Variants in LRRC32 observed in about 807,000 individuals in gnomAD.
LRRC32 encodes transforming growth factor beta activator LRRC32.
LRRC32 carries 5 observed loss-of-function variants against 15.0 expected under a neutral mutation model. The observed-to-expected ratio is 0.33, with a 90% CI of 0.17 to 0.70. The LOEUF (loss-of-function observed/expected upper bound fraction) is 0.70. LRRC32 is among the 30% of genes least tolerant of loss of function. The pLI is 0.66. For synonymous variants in LRRC32, 391 were observed against 403.9 expected, an observed-to-expected ratio of 0.97 and a Z score of 0.38; for missense variants, 803 against 854.2, an observed-to-expected ratio of 0.94 and a Z score of 0.75.
At chr11:76,669,551 T>C (rs1324055544) in intron 1 of LRRC32, among the ~76,000 whole-genome samples, 3 of 152,042 alleles carry the variant, frequency 2.0e-5, no homozygotes, top group African/African-American at 7.3e-5. Context: ...TTACTGTAAT[T>C]CCCATTTTAC....
chr11:76,661,451 G>A lies in LRRC32; in HGVS notation c.142C>T (p.Pro48Ser). The change falls in exon 3 of 3, where the codon CCG (proline) becomes TCG (serine). Residue 48 changes from proline to serine, a missense_variant. By Grantham distance (74) the Pro-to-Ser change is moderately conservative. Coordinates refer to ENST00000260061, the MANE Select transcript of LRRC32 (RefSeq NM_001128922.2). ...AGATCAAGGGTCTCAGTGTCTGGCG[G>A]GAGCACCGAGGGGACCTGGAGCAGG... ...LGLLQVPSVLPPDTETLDLSG... is the reference protein window; with the variant it reads ...LGLLQVPSVLSPDTETLDLSG... 6.2e-7 allele frequency: 1 copy of A among 1,613,612 alleles called. No individual in the cohort carries two copies. The highest frequency in any genetic ancestry group is 8.5e-7 in the Non-Finnish European group (1 of 1,179,794).
Position 76,660,711 on chromosome 11 carries a change from G to C in LRRC32, c.882C>G (p.Ser294=). The C allele has an allele frequency of 6.2e-7, 1 of 1,614,094 alleles. No individual in the cohort carries two copies. Among genetic ancestry groups the C allele is most frequent in the Non-Finnish European group, 8.5e-7 (1 of 1,179,984 alleles). ...PQDSKGIHAP[S]EGWSALPLSA... The stretch of plus-strand genomic sequence containing the variant: ...AGAGGGGCAGGGCTGACCAGCCCTC[G>C]GAAGGTGCGTGGATGCCCTTGCTGT... Residue 294 remains serine, a synonymous_variant, in exon 3 of 3, where the codon TCC becomes TCG. Coordinates refer to ENST00000260061, the MANE Select transcript of LRRC32 (RefSeq NM_001128922.2).
intron 1 of LRRC32, among the ~76,000 whole-genome samples, chr11:76,667,665 G>GCCAC (rs1447109155): frequency 6.6e-6 from 1 of 152,236 alleles, no homozygotes; most frequent in Non-Finnish European, 1.5e-5. Flanking sequence ...AAAGCAGAAC[G>GCCAC]CCACCGCCCG....
chr11:76,662,184 T>G (rs1212422674), intron 2 of LRRC32, among the ~76,000 whole-genome samples: 1 of 152,098 alleles, frequency 6.6e-6, no homozygotes, highest in African/African-American at 2.4e-5. Flanking sequence ...GGAGGTGGCT[T>G]TCTTCCCAGG....
intron 2 of LRRC32, chr11:76,663,144 G>C (rs1162442913): frequency 6.6e-6 from 1 of 152,280 alleles, no homozygotes. Context: ...GACTGGTTTG[G>C]TGGATGTGCA....
At position 76,657,625 on chromosome 11, in the gene LRRC32, C is replaced by T. The variant is rs551727258; in HGVS notation, c.*1979G>A. On this transcript the variant is annotated 3_prime_UTR_variant, in exon 3 of 3. Coordinates refer to ENST00000260061, the MANE Select transcript of LRRC32 (RefSeq NM_001128922.2). ...TGGGCCCTGGGAAGTGACAGCAGCC[C>T]TGTGTAGTGTTTTCAAAGATCAGGC... 1.3e-5 allele frequency: 2 copies of T among 153,014 alleles called. No individual in the cohort carries two copies. The highest frequency in any genetic ancestry group is 3.8e-4 in the East Asian group (2 of 5,320). The allele number at this position is 153,014 out of a possible 1,614,324, so 9.5% of individuals were successfully genotyped here. A position where few individuals can be genotyped will look rare whatever the true frequency, so the allele number is the denominator to read the frequency against.
intron 1 of LRRC32, among the ~76,000 whole-genome samples, chr11:76,668,045 C>T (rs1952653146): frequency 6.6e-6 from 1 of 152,200 alleles, no homozygotes; most frequent in South Asian, 2.1e-4. Context: ...GGGCCCCACC[C>T]CCTCCCATGG....
chr11:76,667,148 C>T (rs1297598509), intron 1 of LRRC32, among the ~76,000 whole-genome samples: 1 of 152,244 alleles, frequency 6.6e-6, no homozygotes, highest in Non-Finnish European at 1.5e-5. Context: ...TGCAGTAGGC[C>T]CTCTCCTCAG....
Position 76,660,773 on chromosome 11 carries a change from T to C in LRRC32, c.820A>G (p.Asn274Asp), listed in dbSNP as rs1555093288. 1 of 1,613,938 alleles carries C rather than the reference T, an allele frequency of 6.2e-7. No individual in the cohort carries two copies. Among genetic ancestry groups the C allele is most frequent in the Non-Finnish European group, 8.5e-7 (1 of 1,179,974 alleles). The change falls in exon 3 of 3, where the codon AAC (asparagine) becomes GAC (aspartate). Residue 274 changes from asparagine (N) to aspartate (D), a missense_variant. By Grantham distance (23) the Asn-to-Asp change is conservative (BLOSUM62 1). Transcript: ENST00000260061. Reference protein sequence around the residue: ...LPRLIYLNLSNNLIRLPTGPP... With the variant: ...LPRLIYLNLSDNLIRLPTGPP... ...CCTGTGGGGAGCCGGATGAGGTTGT[T>C]GGACAAGTTCAGGTAGATGAGTCTC... is the stretch of plus-strand genomic sequence containing the variant.
Position 76,657,670 on chromosome 11 carries a change from C to T in LRRC32, c.*1934G>A, listed in dbSNP as rs1027496860. The T allele has an allele frequency of 3.9e-5, 6 of 152,806 alleles. No homozygotes were observed. Among genetic ancestry groups the T allele is most frequent in the Admixed American group, 3.3e-4 (5 of 15,292 alleles). 9.5% of individuals were successfully genotyped at this position (152,806 alleles called of 1,614,324 possible). On this transcript the variant is annotated 3_prime_UTR_variant, in exon 3 of 3. Transcript: ENST00000260061. ...TCAGGCGTGGGGACCCACACCTTGG[C>T]CTCCAGGCCTAAGGAGGAGTGTTAC...
In LRRC32 at chr11:76,659,619, T is replaced by C; in HGVS notation, c.1974A>G (p.Gln658=). The part of the protein sequence containing the change: ...CCCVRRQKFN[Q]QYKA ...CCCGGCTTCTTTAGGCTTTATACTG[T>C]TGGTTAAACTTCTGCCGGCGGACGC... The change falls in exon 3 of 3, where the codon CAA becomes CAG. Residue 658 remains glutamine, a synonymous_variant. Coordinates refer to ENST00000260061, the MANE Select transcript of LRRC32 (RefSeq NM_001128922.2). 1 of 1,614,078 alleles carries C rather than the reference T, an allele frequency of 6.2e-7. No homozygotes were observed. Among genetic ancestry groups the C allele is most frequent in the Non-Finnish European group, 8.5e-7 (1 of 1,180,008 alleles).
chr11:76,660,842 G>T lies in LRRC32; in HGVS notation c.751C>A (p.Arg251=), dbSNP rs150621370. 1.2e-6 allele frequency: 2 copies of T among 1,614,178 alleles called. No homozygotes were observed. Among genetic ancestry groups the T allele is most frequent in the South Asian group, 1.1e-5 (1 of 91,082 alleles). The change falls in exon 3 of 3, where the codon CGG becomes AGG. Residue 251 remains arginine (R), a synonymous_variant. Transcript: ENST00000260061. ...AEFQLTWLDL[R]ENKLLHFPDL... The stretch of plus-strand genomic sequence containing the variant: ...GGGAAATGGAGCAGTTTGTTCTCCC[G>T]CAGGTCAAGCCAGGTGAGCTGGAAC...
At position 76,660,562 on chromosome 11, in the gene LRRC32, A is replaced by G; in HGVS notation, c.1031T>C (p.Leu344Pro). The G allele has an allele frequency of 6.2e-7, 1 of 1,614,208 alleles. No individual in the cohort carries two copies. The highest frequency in any genetic ancestry group is 8.5e-7 in the Non-Finnish European group (1 of 1,180,034). Reference protein sequence around the residue: ...FLEHLTSLCFLNLSRNCLRTF... With the variant: ...FLEHLTSLCFPNLSRNCLRTF... ...CCGCAAGCAGTTTCTGCTGAGGTTC[A>G]GGAAGCACAGGGAGGTCAGGTGCTC... Residue 344 changes from leucine to proline, a missense_variant, in exon 3 of 3, where the codon CTG (leucine) becomes CCG (proline). Leu to Pro is a moderately conservative substitution (Grantham distance 98). Coordinates refer to ENST00000260061, the MANE Select transcript of LRRC32 (RefSeq NM_001128922.2).
In LRRC32 at chr11:76,660,889, G is replaced by A. The variant is rs147861179; in HGVS notation, c.704C>T (p.Thr235Met). 154 of 1,614,172 alleles carry A rather than the reference G, an allele frequency of 9.5e-5. 1 individual carries two copies. The highest frequency in any genetic ancestry group is 1.3e-4 in the East Asian group (6 of 44,882). The stretch of plus-strand genomic sequence containing the variant: ...GAACTCAGCCTGGGGCTGGGAGGCC[G>A]TCTGAAAGGCCTCGATGCTGTTGCA... ...LSCNSIEAFQ[T>M]ASQPQAEFQL... Residue 235 changes from threonine to methionine, a missense_variant, in exon 3 of 3, where the codon ACG becomes ATG. Physicochemically the swap from Thr to Met is moderately conservative, Grantham distance 81 (BLOSUM62 -1). Transcript: ENST00000260061.
At chr11:76,670,141 C>G (rs2120125355) in intron 1 of LRRC32, 1 of 152,520 alleles carries the variant, frequency 6.6e-6, no homozygotes, top group African/African-American at 2.4e-5. Context: ...GTGGGGGCCC[C>G]TCACATCTTA....
Position 76,660,264 on chromosome 11 carries a change from G to A in LRRC32, c.1329C>T (p.Thr443=), listed in dbSNP as rs773003211. The part of the protein sequence containing the change: ...PSGCVAFSGI[T]SLRSLSLVDN... Reference sequence around the variant, plus strand: ...CCACCAGGCTCAGGCTGCGGAGGGAGGTGATGCCGGAGAAGGCCACACAGC... The same window carrying A: ...CCACCAGGCTCAGGCTGCGGAGGGAAGTGATGCCGGAGAAGGCCACACAGC... Residue 443 remains threonine (T), a synonymous_variant, in exon 3 of 3, where the codon ACC becomes ACT. Coordinates refer to ENST00000260061, the MANE Select transcript of LRRC32 (RefSeq NM_001128922.2). 2 of 1,577,100 alleles carry A rather than the reference G, an allele frequency of 1.3e-6. No individual in the cohort carries two copies. Among genetic ancestry groups the A allele is most frequent in the East Asian group, 4.5e-5 (2 of 44,574 alleles).
intron 2 of LRRC32, among the ~76,000 whole-genome samples, chr11:76,664,557 G>A (rs1057296412): frequency 3.9e-5 from 6 of 152,220 alleles, no homozygotes; most frequent in Admixed American, 2.0e-4. Flanking sequence ...GGAAAGCAGA[G>A]TAGGGAGAGG....
rs376575860 is a variant in LRRC32, at chr11:76,659,792, G to A, written c.1801C>T (p.Arg601Cys). ...GACACCTCCTCCTGGGAGCTGAAGC[G>A]GCAGATCAGGTCCTGGGTGGCGTCC... Reference protein sequence around the residue: ...DVDATQDLICRFSSQEEVSLS... With the variant: ...DVDATQDLICCFSSQEEVSLS... The change falls in exon 3 of 3, where the codon CGC becomes TGC. Residue 601 changes from arginine (R) to cysteine (C), a missense_variant. By Grantham distance (180) the Arg-to-Cys change is radical. Coordinates refer to ENST00000260061, the MANE Select transcript of LRRC32 (RefSeq NM_001128922.2). The A allele has an allele frequency of 1.9e-6, 3 of 1,614,220 alleles. No individual in the cohort carries two copies. Among genetic ancestry groups the A allele is most frequent in the East Asian group, 2.2e-5 (1 of 44,884 alleles).
chr11:76,662,322 T>A (rs1375319250), intron 2 of LRRC32, among the ~76,000 whole-genome samples: 2 of 152,164 alleles, frequency 1.3e-5, no homozygotes, highest in Non-Finnish European at 2.9e-5. Flanking sequence ...ACATAACCAC[T>A]CTGTTTTCTT....
Sources: allele counts gnomAD v4.1 joint callset (sites outside exome capture counted in the v4.1 genomes callset), GRCh38; gene constraint gnomAD v4.1.1; transcripts MANE v1.5; gene names NCBI Gene and HGNC (gene_info 2026-07-23, HGNC 2026-07-21).